Variants in CUBN observed in about 807,000 individuals in gnomAD.
CUBN encodes cubilin.
Under a neutral mutation model 405.3 loss-of-function variants are expected in CUBN, and 282 were observed. That is an observed-to-expected ratio of 0.70 (90% confidence interval 0.63 to 0.77). CUBN has a LOEUF of 0.77. Ranked by LOEUF, CUBN falls within the 30% of genes least tolerant of loss-of-function variation. The pLI, the probability that CUBN is intolerant of heterozygous loss-of-function variation, is 0.00. For synonymous variants in CUBN, 1,684 were observed against 1,617.0 expected (o/e 1.04, Z -0.99); for missense variants, 4,514 against 4,475.2 (o/e 1.01, Z -0.25).
chr10:16,862,193 C>CACACA (rs1448517605), intron 59 of CUBN, among the ~76,000 whole-genome samples: 1 of 151,036 alleles, frequency 6.6e-6, no homozygotes, highest in African/African-American at 2.4e-5. Context: ...CACACACACA[C>CACACA]ATCACATCCC....
chr10:16,876,580 G>A (rs1840507657), intron 57 of CUBN, among the ~76,000 whole-genome samples: 2 of 151,990 alleles, frequency 1.3e-5, no homozygotes, highest in South Asian at 4.1e-4. Flanking sequence ...GGATAATTTG[G>A]ACCAACAGGC....
At chr10:16,966,250 G>A (rs1208317193) in intron 31 of CUBN, among the ~76,000 whole-genome samples, 1 of 152,184 alleles carries the variant, frequency 6.6e-6, no homozygotes, top group Non-Finnish European at 1.5e-5. Flanking sequence ...GGGATTCCCA[G>A]CATGGCTCAC....
Position 16,839,814 on chromosome 10 carries a change from C to T in CUBN, c.10032+516G>A, listed in dbSNP as rs546289704. On this transcript the variant is annotated intron_variant, in intron 62 of 66. Coordinates refer to ENST00000377833, the MANE Select transcript of CUBN (RefSeq NM_001081.4). Reference sequence around the variant, plus strand: ...CACAATAGCAAAGACTTGGAACCATCCCAAATGTCCAACAATGATAGACCG... The same window carrying T: ...CACAATAGCAAAGACTTGGAACCATTCCAAATGTCCAACAATGATAGACCG... Among the ~76,000 whole-genome samples, 7 of 152,038 alleles carry T rather than the reference C, an allele frequency of 4.6e-5. No homozygotes were observed. The South Asian group carries it at 1.5e-3, about 32-fold the overall frequency.
chr10:16,939,487 G>T (rs1250978948), intron 37 of CUBN, among the ~76,000 whole-genome samples: 1 of 152,008 alleles, frequency 6.6e-6, no homozygotes, highest in African/African-American at 2.4e-5. Context: ...TCAAAAGAAT[G>T]GAACATTTAA....
chr10:16,843,959 C>G (rs1009888955), intron 60 of CUBN, among the ~76,000 whole-genome samples: 1 of 152,026 alleles, frequency 6.6e-6, no homozygotes, highest in South Asian at 2.1e-4. Flanking sequence ...TGGGTTGGCC[C>G]TTAAATGTAA....
intron 50 of CUBN, among the ~76,000 whole-genome samples, chr10:16,904,435 A>T (rs960427314): frequency 1.3e-5 from 2 of 152,258 alleles, no homozygotes; most frequent in African/African-American, 4.8e-5. Flanking sequence ...GCACTTTTGG[A>T]CACACCTTTT....
intron 31 of CUBN, among the ~76,000 whole-genome samples, chr10:16,973,222 C>A (rs1341417145): frequency 6.6e-6 from 1 of 152,168 alleles, no homozygotes; most frequent in East Asian, 1.9e-4. Flanking sequence ...CCATCCTTCC[C>A]TTGCAGCCTC....
intron 53 of CUBN, among the ~76,000 whole-genome samples, chr10:16,900,300 T>C (rs1841318357): frequency 6.6e-6 from 1 of 152,262 alleles, no homozygotes; most frequent in Non-Finnish European, 1.5e-5. Context: ...GGTTGTGCCA[T>C]ACCCTTTTGC....
chr10:16,861,393 C>A (rs1314746396), intron 59 of CUBN, among the ~76,000 whole-genome samples: 1 of 152,066 alleles, frequency 6.6e-6, no homozygotes, highest in Non-Finnish European at 1.5e-5. Flanking sequence ...AAACTCCTGA[C>A]CTCAGGTGAT....
intron 27 of CUBN, among the ~76,000 whole-genome samples, chr10:17,031,194 CAA>C (rs1255072216): frequency 6.6e-6 from 1 of 152,216 alleles, no homozygotes; most frequent in Admixed American, 6.5e-5. Context: ...AGGCAGAAAA[CAA>C]GAGGAAAATT....
intron 27 of CUBN, among the ~76,000 whole-genome samples, chr10:17,030,576 TGAA>T (rs761087804): frequency 3.2e-4 from 48 of 152,294 alleles, no homozygotes; most frequent in Non-Finnish European, 6.2e-4. Context: ...CATCAACTAC[TGAA>T]GAAGAATTTT....
rs760682560 is a variant in CUBN at position 17,047,435 on chromosome 10, T to C, written c.3308A>G (p.Tyr1103Cys). Reference protein sequence around the residue: ...FSLEEAIGNYYTDFLEIRDGG... With the variant: ...FSLEEAIGNYCTDFLEIRDGG... ...TGACCTGATTTCCAGAAAATCTGTA[T>C]AATAGTTTCCAATGGCTTCCTCCAA... The change falls in exon 23 of 67, where the codon TAT becomes TGT. Residue 1103 changes from tyrosine (Y) to cysteine (C), a missense_variant. Tyr to Cys is a radical substitution (Grantham distance 194, BLOSUM62 -2). This residue lies in a region of CUBN where 1,448 missense variants were observed against 1,388.0 expected (regional missense o/e 1.04). Transcript: ENST00000377833. 22 of 1,613,560 alleles carry C rather than the reference T, an allele frequency of 1.4e-5. No individual in the cohort carries two copies. The highest frequency in any genetic ancestry group is 1.7e-5 in the Admixed American group (1 of 60,008).
intron 56 of CUBN, among the ~76,000 whole-genome samples, chr10:16,878,786 C>T (rs137984960): frequency 0.01 from 1,582 of 152,298 alleles, 11 homozygotes; most frequent in Non-Finnish European, 0.016. Flanking sequence ...TTGTCTACTC[C>T]GGACATTTCA....
chr10:17,115,400 TG>T, intron 7 of CUBN, 70 bp downstream of exon 7: 1 of 1,595,282 alleles, frequency 6.3e-7, no homozygotes, highest in South Asian at 1.1e-5. Context: ...TTGTATGCAG[TG>T]GGCATAGGAG....
rs1439395528 is a variant in CUBN at position 16,940,255 on chromosome 10, A to G, written c.5343-18T>C. The G allele has an allele frequency of 6.2e-7, 1 of 1,602,946 alleles. No individual in the cohort carries two copies. The highest frequency in any genetic ancestry group is 8.5e-7 in the Non-Finnish European group (1 of 1,170,158). ...GGAAAGATCTGATTTGGGGAAAAAA[A>G]TATTTAAAGGGATTAAATTGAGAGA... On this transcript the variant is annotated intron_variant, in intron 36 of 66. Transcript: ENST00000377833.
intron 28 of CUBN, among the ~76,000 whole-genome samples, chr10:16,999,642 T>C (rs1274614149): frequency 6.6e-6 from 1 of 152,248 alleles, no homozygotes. Flanking sequence ...TAAGCAGTCA[T>C]GCCTAAGGCT....
chr10:17,013,038 C>T (rs909572305), intron 28 of CUBN, among the ~76,000 whole-genome samples: 2 of 152,192 alleles, frequency 1.3e-5, no homozygotes, highest in African/African-American at 4.8e-5. Context: ...CTTGTTTACA[C>T]TGACAACAAG....
intron 27 of CUBN, among the ~76,000 whole-genome samples, chr10:17,037,133 T>G (rs950127542): frequency 6.6e-6 from 1 of 152,214 alleles, no homozygotes; most frequent in African/African-American, 2.4e-5. Flanking sequence ...GTAGTTTGAA[T>G]AGTGCTATTC....
rs773427627 is a variant in CUBN, at chr10:17,020,016, A to T, written c.4018-33T>A. ...TGAAGAGAAACTTTCCCATATAAAA[A>T]CACATGGTTTGTGGGATGGAAAAAT... On this transcript the variant is annotated intron_variant, in intron 27 of 66. Coordinates refer to ENST00000377833, the MANE Select transcript of CUBN (RefSeq NM_001081.4). 6.2e-5 allele frequency: 100 copies of T among 1,613,302 alleles called. 8 individuals carry two copies. The highest frequency in any genetic ancestry group is 3.7e-4 in the Admixed American group (22 of 60,026).
Sources: gnomAD v4.1 joint callset for allele counts (sites outside exome capture counted in the v4.1 genomes callset) on GRCh38, gnomAD v4.1.1 for gene constraint, gnomAD v4.1.1 regional missense constraint, MANE v1.5 for transcripts, NCBI Gene and HGNC (gene_info 2026-07-23, HGNC 2026-07-21) for gene names.